The following ANO3 variants were observed in gnomAD, a reference collection of about 807,000 sequenced individuals.
The protein encoded by ANO3 is anoctamin-3.
Under a neutral mutation model 144.8 loss-of-function variants are expected in ANO3, and 99 were observed. The observed-to-expected ratio is 0.68, with a 90% CI of 0.58 to 0.81. The LOEUF (loss-of-function observed/expected upper bound fraction) is 0.81, where lower values mean the gene tolerates loss of function less well. Ranked by LOEUF, ANO3 falls within the 30% of genes least tolerant of loss-of-function variation. ANO3 has a pLI of 0.00. For missense variants in ANO3, 905 were observed against 1,202.2 expected, an observed-to-expected ratio of 0.75 and a Z score of 3.66; for synonymous variants, 414 against 392.6, an observed-to-expected ratio of 1.05 and a Z score of -0.64.
At chr11:26,191,518 T>C (rs1167771607) in intron 1 of ANO3, among the ~76,000 whole-genome samples, 1 of 152,120 alleles carries the variant, frequency 6.6e-6, no homozygotes, top group Non-Finnish European at 1.5e-5. Context: ...TAGGAAATAT[T>C]TCCCGAAGCA....
chr11:26,611,618 C>T (rs1014928829), intron 17 of ANO3, among the ~76,000 whole-genome samples: 4 of 152,082 alleles, frequency 2.6e-5, no homozygotes, highest in Non-Finnish European at 1.5e-5. Context: ...ATATCTGTTA[C>T]GTCCATTTGG....
intron 14 of ANO3, chr11:26,565,793 A>T: frequency 6.2e-7 from 1 of 1,613,194 alleles, no homozygotes; most frequent in Middle Eastern, 1.7e-4. Context: ...TTTCTTTTCC[A>T]TGGCTCCCCG....
chr11:26,447,769 T>TCC (rs1858756696), intron 3 of ANO3, among the ~76,000 whole-genome samples: 2 of 152,118 alleles, frequency 1.3e-5, no homozygotes, highest in African/African-American at 4.8e-5. Context: ...ATCCCATATA[T>TCC]CCCCACACAC....
chr11:26,431,583 C>T (rs545499598), intron 1 of ANO3, among the ~76,000 whole-genome samples: 3 of 152,286 alleles, frequency 2.0e-5, no homozygotes, highest in Non-Finnish European at 2.9e-5. Context: ...TAGACCGCAG[C>T]GTCTGTTCCC....
At chr11:26,564,745 A>G (rs1350477367) in intron 14 of ANO3, among the ~76,000 whole-genome samples, 1 of 50,304 alleles carries the variant, frequency 2.0e-5, no homozygotes. Flanking sequence ...ATATATATAT[A>G]TATATATATA....
intron 23 of ANO3, among the ~76,000 whole-genome samples, chr11:26,646,643 C>G (rs1853353720): frequency 6.6e-6 from 1 of 151,978 alleles, no homozygotes; most frequent in African/African-American, 2.4e-5. Context: ...GTGATTTAAA[C>G]TTCTTTTTAT....
At chr11:26,472,062 T>C (rs1335523080) in intron 4 of ANO3, among the ~76,000 whole-genome samples, 1 of 151,982 alleles carries the variant, frequency 6.6e-6, no homozygotes, top group African/African-American at 2.4e-5. Context: ...AATAAATTAA[T>C]GTATGGGCAT....
At chr11:26,516,729 G>C (rs746225081) in intron 5 of ANO3, 98 bp from the exon 6 acceptor site, 1 of 766,518 alleles carries the variant, frequency 1.3e-6, no homozygotes, top group Non-Finnish European at 2.1e-6. Context: ...ATCATGCATA[G>C]TCAAGGGGAC....
chr11:26,360,947 T>C (rs1855910553), intron 1 of ANO3, among the ~76,000 whole-genome samples: 1 of 152,214 alleles, frequency 6.6e-6, no homozygotes, highest in South Asian at 2.1e-4. Context: ...ATGAGCATTT[T>C]GAATTGGTTC....
chr11:26,481,018 A>G (rs1459431639), intron 4 of ANO3, among the ~76,000 whole-genome samples: 1 of 152,108 alleles, frequency 6.6e-6, no homozygotes. Flanking sequence ...AGAAAATAAT[A>G]CACACCTCAA....
rs1564947765 is a variant in ANO3, at chr11:26,283,326, ATATATAT to A, written c.155-26318_155-26312del. On this transcript the variant is annotated intron_variant, in intron 1 of 27. Coordinates refer to the ANO3 transcript ENST00000672621. ...CCAAAATAAACAAATAAATAAATAT[ATATATAT>A]ATATATATATATATATATATATATA... 3.6e-3 allele frequency among the ~76,000 whole-genome samples: 70 copies of A among 19,334 alleles called. 1 individual carries two copies. The highest frequency in any genetic ancestry group is 0.012 in the South Asian group (8 of 658). The allele number at this position is 19,334 out of a possible 152,430, so 12.7% of individuals were successfully genotyped here.
chr11:26,595,457 GTTGTTTTTTTTTT>G (rs1217596866), intron 14 of ANO3, among the ~76,000 whole-genome samples: 1 of 67,840 alleles, frequency 1.5e-5, no homozygotes, highest in Non-Finnish European at 2.7e-5. Context: ...TTGAGATAGA[GTTGTTTTTTTTTT>G]TTTTTTTTTT....
At chr11:26,250,619 G>T (rs1185807256) in intron 1 of ANO3, among the ~76,000 whole-genome samples, 1 of 152,044 alleles carries the variant, frequency 6.6e-6, no homozygotes, top group African/African-American at 2.4e-5. Flanking sequence ...GTAGTGAGTT[G>T]GTAATCAGGA....
At chr11:26,609,928 T>G (rs1226758447) in intron 17 of ANO3, among the ~76,000 whole-genome samples, 2 of 152,240 alleles carry the variant, frequency 1.3e-5, no homozygotes, top group Non-Finnish European at 2.9e-5. Context: ...TTTATTTATT[T>G]GAGACGGAGT....
intron 5 of ANO3, among the ~76,000 whole-genome samples, chr11:26,511,128 G>A (rs1002379223): frequency 9.9e-5 from 15 of 152,196 alleles, no homozygotes; most frequent in Non-Finnish European, 2.2e-4. Flanking sequence ...ATTGCATGTT[G>A]TTGGAACCAG....
intron 1 of ANO3, among the ~76,000 whole-genome samples, chr11:26,223,274 C>T (rs1852187026): frequency 6.6e-6 from 1 of 152,138 alleles, no homozygotes; most frequent in South Asian, 2.1e-4. Flanking sequence ...TGAACACGGA[C>T]AGAATTCAGC....
chr11:26,485,354 GA>G (rs1860402348), intron 4 of ANO3, among the ~76,000 whole-genome samples: 1 of 152,000 alleles, frequency 6.6e-6, no homozygotes, highest in Admixed American at 6.6e-5. Flanking sequence ...TAAGTTCACA[GA>G]AGGTCTGGTT....
intron 6 of ANO3, among the ~76,000 whole-genome samples, chr11:26,518,189 T>G (rs7945815): frequency 0.59 from 90,139 of 151,860 alleles, 27,761 homozygotes; most frequent in East Asian, 0.8. Context: ...CTAAACAACA[T>G]TTCTTGAGTT....
chr11:26,323,462 T>C (rs181333654), intron 1 of ANO3, among the ~76,000 whole-genome samples: 1 of 152,220 alleles, frequency 6.6e-6, no homozygotes, highest in African/African-American at 2.4e-5. Context: ...TGGTTGAATA[T>C]TAAATGGCTG....
Sources: gnomAD v4.1 joint callset for allele counts (sites outside exome capture counted in the v4.1 genomes callset) on GRCh38, gnomAD v4.1.1 for gene constraint, MANE v1.5 for transcripts, NCBI Gene and HGNC (gene_info 2026-07-23, HGNC 2026-07-21) for gene names.